The following FAT4 variants were observed in gnomAD, a reference collection of about 807,000 sequenced individuals.
FAT4 encodes FAT atypical cadherin 4.
Under a neutral mutation model 303.9 loss-of-function variants are expected in FAT4, and 84 were observed. The ratio of observed to expected loss-of-function variants is 0.28; its 90% confidence interval spans 0.23 to 0.33. FAT4 has a LOEUF of 0.33. FAT4 is among the 10% of genes least tolerant of loss of function. The probability of loss-of-function intolerance (pLI) is 1.00; values close to 1 mark genes in which losing one functional copy is unlikely to be tolerated. For synonymous variants in FAT4, 2,307 were observed against 2,298.8 expected (o/e 1.00, Z -0.10); for missense variants, 6,005 against 6,146.8 (o/e 0.98, Z 0.77).
At chr4:125,328,277 G>A (rs952819334) in intron 2 of FAT4, among the ~76,000 whole-genome samples, 1 of 152,186 alleles carries the variant, frequency 6.6e-6, no homozygotes, top group Non-Finnish European at 1.5e-5. Context: ...ATACACACAT[G>A]TAATTATATA....
At position 125,318,004 on chromosome 4, in the gene FAT4, C is replaced by T. The variant is rs745357271; in HGVS notation, c.1593C>T (p.Leu531=). 6 of 1,614,190 alleles carry T rather than the reference C, an allele frequency of 3.7e-6. No homozygotes were observed. The highest frequency in any genetic ancestry group is 4.5e-5 in the East Asian group (2 of 44,862). Residue 531 remains leucine (L), a synonymous_variant, in exon 2 of 18, where the codon CTC becomes CTT. Coordinates refer to ENST00000394329, the MANE Select transcript of FAT4 (RefSeq NM_001291303.3). The stretch of plus-strand genomic sequence containing the variant: ...TCCATATCAGTGAACATAGCGGCCT[C>T]GTGACCACTGGGTCCTCTGGGGGCC... ...GWFHISEHSG[L]VTTGSSGGLD...
chr4:125,407,756 A>G (rs1242192710), intron 4 of FAT4, among the ~76,000 whole-genome samples: 3 of 152,212 alleles, frequency 2.0e-5, no homozygotes, highest in Non-Finnish European at 4.4e-5. Context: ...GATTTTTTTT[A>G]GTCTGAGTAC....
intron 2 of FAT4, among the ~76,000 whole-genome samples, chr4:125,354,554 C>T (rs17009517): frequency 0.033 from 5,019 of 151,630 alleles, 259 homozygotes; most frequent in African/African-American, 0.12. Context: ...CCAATTTAAA[C>T]AATGATAGGG....
At chr4:125,440,606 T>TGAGA (rs777627667) in intron 8 of FAT4, among the ~76,000 whole-genome samples, 55 of 29,726 alleles carry the variant, frequency 1.9e-3, no homozygotes, top group East Asian at 5.8e-3. Context: ...TGTGTGTGTG[T>TGAGA]GTGTGAGAGA....
intron 2 of FAT4, among the ~76,000 whole-genome samples, chr4:125,344,207 T>C (rs1314488482): frequency 6.6e-6 from 1 of 152,194 alleles, no homozygotes; most frequent in East Asian, 1.9e-4. Flanking sequence ...ACATCTATTC[T>C]TTTAATGTAT....
intron 2 of FAT4, among the ~76,000 whole-genome samples, chr4:125,351,373 T>G (rs1732218118): frequency 6.6e-6 from 1 of 151,796 alleles, no homozygotes; most frequent in Admixed American, 6.6e-5. Context: ...TGCTTTTAGT[T>G]ACAGAATTGT....
At position 125,451,252 on chromosome 4, in the gene FAT4, G is replaced by C. The variant is rs371194603; in HGVS notation, c.10242G>C (p.Gln3414His). ...PIFTLNIYSV[Q>H]ISEGVPIGTH... ...TTACTCTAAACATCTACAGTGTGCAGATCAGTGAAGGGGTCCCAATAGGAA... is the reference window on the plus strand; with the variant it reads ...TTACTCTAAACATCTACAGTGTGCACATCAGTGAAGGGGTCCCAATAGGAA... Residue 3414 changes from glutamine to histidine, a missense_variant, in exon 10 of 18, where the codon CAG becomes CAC. Coordinates refer to ENST00000394329, the MANE Select transcript of FAT4 (RefSeq NM_001291303.3). The C allele has an allele frequency of 1.2e-6, 2 of 1,614,000 alleles. No individual in the cohort carries two copies. Among genetic ancestry groups the C allele is most frequent in the African/African-American group, 2.7e-5 (2 of 74,922 alleles).
intron 2 of FAT4, among the ~76,000 whole-genome samples, chr4:125,340,405 A>G (rs1189430202): frequency 6.7e-6 from 1 of 148,864 alleles, no homozygotes; most frequent in Non-Finnish European, 1.5e-5. Flanking sequence ...TTTTTTTGAG[A>G]CGGAGCCTCG....
In FAT4 at chr4:125,315,785, C is replaced by A. The variant is rs76061830; in HGVS notation, c.-205C>A. ...CTGCGCGCAGACGCCGCCGCCTGGG[C>A]CTCAGCGGCCACTGCCGGCGCCCTG... On this transcript the variant is annotated 5_prime_UTR_variant, in exon 1 of 18. Coordinates refer to ENST00000394329, the MANE Select transcript of FAT4 (RefSeq NM_001291303.3). 0.043 allele frequency among the ~76,000 whole-genome samples: 6,497 copies of A among 152,254 alleles called. 198 individuals are homozygous for A. The highest frequency in any genetic ancestry group is 0.088 in the Middle Eastern group (26 of 294).
chr4:125,344,614 G>A (rs1731927529), intron 2 of FAT4, among the ~76,000 whole-genome samples: 1 of 152,126 alleles, frequency 6.6e-6, no homozygotes, highest in Non-Finnish European at 1.5e-5. Flanking sequence ...TATCTGTGAT[G>A]CCAATGGGCG....
intron 2 of FAT4, among the ~76,000 whole-genome samples, chr4:125,388,904 C>A (rs1733870551): frequency 6.6e-6 from 1 of 152,170 alleles, no homozygotes; most frequent in East Asian, 1.9e-4. Context: ...GCCTGTTATT[C>A]ATACATATTT....
chr4:125,319,747 G>C lies in FAT4; in HGVS notation c.3336G>C (p.Glu1112Asp). ...ATTACACATTTTACTTCGAAGAAGA[G>C]CAGAGGGCTGGGTCGTTTGTGGGCA... ...STNYTFYFEE[E>D]QRAGSFVGKV... Residue 1112 changes from glutamate to aspartate, a missense_variant, in exon 2 of 18, where the codon GAG (glutamate) becomes GAC (aspartate). Glu to Asp is a conservative substitution (Grantham distance 45). Coordinates refer to ENST00000394329, the MANE Select transcript of FAT4 (RefSeq NM_001291303.3). 1 of 1,614,214 alleles carries C rather than the reference G, an allele frequency of 6.2e-7. No homozygotes were observed. The highest frequency in any genetic ancestry group is 8.5e-7 in the Non-Finnish European group (1 of 1,180,038).
intron 2 of FAT4, among the ~76,000 whole-genome samples, chr4:125,381,071 T>C (rs1255891444): frequency 6.6e-6 from 1 of 152,150 alleles, no homozygotes; most frequent in African/African-American, 2.4e-5. Context: ...TCTAAGCAAC[T>C]GAAATAAATT....
intron 12 of FAT4, among the ~76,000 whole-genome samples, chr4:125,471,282 A>G (rs1560628435): frequency 6.6e-6 from 1 of 152,272 alleles, no homozygotes; most frequent in Non-Finnish European, 1.5e-5. Flanking sequence ...AGAATTATTC[A>G]AATGTGACTC....
In FAT4 at chr4:125,317,942, C is replaced by T; in HGVS notation, c.1531C>T (p.Arg511Cys). The T allele has an allele frequency of 1.2e-6, 2 of 1,614,136 alleles. No individual in the cohort carries two copies. The highest frequency in any genetic ancestry group is 1.7e-6 in the Non-Finnish European group (2 of 1,180,034). ...CGACTCTGGTCTCAATGCTAATCTGCGTTACAGCATTGTCTCTGGCAATGG... is the reference window on the plus strand; with the variant it reads ...CGACTCTGGTCTCAATGCTAATCTGTGTTACAGCATTGTCTCTGGCAATGG... ...DGDSGLNANL[R>C]YSIVSGNGLG... The change falls in exon 2 of 18, where the codon CGT (arginine) becomes TGT (cysteine). Residue 511 changes from arginine to cysteine, a missense_variant. Coordinates refer to ENST00000394329, the MANE Select transcript of FAT4 (RefSeq NM_001291303.3). This position sits in a 1 kb window ranked among gnomAD's most constrained non-coding sequence, Gnocchi z 7.0.
chr4:125,430,467 A>C (rs1725247705), intron 7 of FAT4, among the ~76,000 whole-genome samples: 1 of 152,130 alleles, frequency 6.6e-6, no homozygotes, highest in Admixed American at 6.5e-5. Context: ...TAATAGTCAA[A>C]CACATTGGAG....
rs267600012 is a variant in FAT4, at chr4:125,450,373, G to A, written c.9363G>A (p.Ala3121=). The A allele has an allele frequency of 1.2e-5, 20 of 1,613,968 alleles. No individual in the cohort carries two copies. The highest frequency in any genetic ancestry group is 6.7e-5 in the African/African-American group (5 of 74,928). The change falls in exon 10 of 18, where the codon GCG becomes GCA. Residue 3121 remains alanine (A), a synonymous_variant. Transcript: ENST00000394329. ...TTTCTGCAAGAGATAGAGATGCAGC[G>A]ATGAATGGCTTGATTAAGTACAGCA... The part of the protein sequence containing the change: ...RTVSARDRDA[A]MNGLIKYSIS...
chr4:125,463,143 A>T (rs1308026284), intron 10 of FAT4, among the ~76,000 whole-genome samples: 1 of 151,846 alleles, frequency 6.6e-6, no homozygotes, highest in Non-Finnish European at 1.5e-5. Context: ...GATAAATAAG[A>T]TAAGTTATTA....
At chr4:125,362,419 G>T (rs1040164555) in intron 2 of FAT4, among the ~76,000 whole-genome samples, 3 of 152,122 alleles carry the variant, frequency 2.0e-5, no homozygotes, top group African/African-American at 7.2e-5. Context: ...GAGCTGTCAT[G>T]ATGACATGAG....
Sources: allele counts gnomAD v4.1 joint callset (sites outside exome capture counted in the v4.1 genomes callset), GRCh38; gene constraint gnomAD v4.1.1; non-coding constraint Gnocchi (gnomAD v3.1); transcripts MANE v1.5; gene names NCBI Gene and HGNC (gene_info 2026-07-23, HGNC 2026-07-21).